The following MEGF10 variants were observed in gnomAD, a reference collection of about 807,000 sequenced individuals.
MEGF10 encodes the protein multiple epidermal growth factor-like domains protein 10.
A neutral mutation model predicts 147.5 loss-of-function variants in MEGF10; 86 were observed. The observed-to-expected ratio is 0.58, with a 90% CI of 0.49 to 0.70. MEGF10 has a LOEUF of 0.70. MEGF10 is among the 30% of genes least tolerant of loss of function. The pLI is 0.00. For missense variants in MEGF10, 1,329 were observed against 1,487.3 expected, an observed-to-expected ratio of 0.89 and a Z score of 1.75; for synonymous variants, 478 against 525.5, an observed-to-expected ratio of 0.91 and a Z score of 1.24.
chr5:127,302,404 A>G (rs1759816386), intron 1 of MEGF10, among the ~76,000 whole-genome samples: 1 of 152,232 alleles, frequency 6.6e-6, no homozygotes, highest in South Asian at 2.1e-4. Flanking sequence ...TTTCACTTAT[A>G]TAAAATATCT....
At chr5:127,442,917 G>T in intron 18 of MEGF10, 81 bp from the exon 19 acceptor site, 1 of 1,467,252 alleles carries the variant, frequency 6.8e-7, no homozygotes. Flanking sequence ...CTCAGCTCTA[G>T]ATGTGCAGGG....
chr5:127,328,935 G>C (rs1761146748), intron 1 of MEGF10, among the ~76,000 whole-genome samples: 1 of 152,158 alleles, frequency 6.6e-6, no homozygotes, highest in African/African-American at 2.4e-5. Flanking sequence ...GAAAACACTA[G>C]CTGTATATTA....
intron 1 of MEGF10, among the ~76,000 whole-genome samples, chr5:127,298,304 C>A (rs1258199653): frequency 6.6e-6 from 1 of 152,156 alleles, no homozygotes; most frequent in Non-Finnish European, 1.5e-5. Flanking sequence ...TCATCTGAAG[C>A]CCTCATCGTT....
chr5:127,261,023 CA>C, the MEGF10 span, among the ~76,000 whole-genome samples: 1 of 152,154 alleles, frequency 6.6e-6, no homozygotes, highest in Non-Finnish European at 1.5e-5. Context: ...GCTCCAAAGC[CA>C]AAGCCAGGAG....
chr5:127,316,406 A>G (rs1051061845), intron 1 of MEGF10, among the ~76,000 whole-genome samples: 8 of 152,196 alleles, frequency 5.3e-5, no homozygotes, highest in South Asian at 2.1e-4. Context: ...TTAACTATTA[A>G]TTAAGCCATT....
At chr5:127,439,924 T>G (rs534657575) in intron 17 of MEGF10, among the ~76,000 whole-genome samples, 1 of 152,328 alleles carries the variant, frequency 6.6e-6, no homozygotes, top group African/African-American at 2.4e-5. Flanking sequence ...GAGTCATCGG[T>G]GCATACTGGC....
At chr5:127,271,830 T>G in the MEGF10 span, among the ~76,000 whole-genome samples, 2 of 152,246 alleles carry the variant, frequency 1.3e-5, no homozygotes, top group Admixed American at 1.3e-4. Flanking sequence ...ATCTCTTTCC[T>G]TTATTAATTA....
intron 24 of MEGF10, among the ~76,000 whole-genome samples, chr5:127,456,042 A>T (rs1766352905): frequency 6.6e-6 from 1 of 152,198 alleles, no homozygotes; most frequent in South Asian, 2.1e-4. Flanking sequence ...AATTTAAGGT[A>T]AAGTTTCTTT....
Position 127,396,674 on chromosome 5 carries a change from C to A in MEGF10, c.555C>A (p.Gly185=), listed in dbSNP as rs1182919656. The A allele has an allele frequency of 6.2e-6, 10 of 1,614,104 alleles. No homozygotes were observed. The East Asian group carries it at 1.1e-4, about 18-fold the overall frequency. The part of the protein sequence containing the change: ...GWRCEDRCEQ[G]TYGNDCHQRC... ...GCTGCGAGGACCGCTGTGAGCAGGG[C>A]ACCTATGGTAACGACTGTCATCAGA... The change falls in exon 6 of 25, where the codon GGC becomes GGA. Residue 185 remains glycine (G), a synonymous_variant. Coordinates refer to ENST00000503335, the MANE Select transcript of MEGF10 (RefSeq NM_001256545.2).
chr5:127,439,704 G>T (rs1437027244), intron 17 of MEGF10, among the ~76,000 whole-genome samples: 1 of 152,210 alleles, frequency 6.6e-6, no homozygotes, highest in Non-Finnish European at 1.5e-5. Flanking sequence ...ACAACATGGG[G>T]TCCAGAGCCA....
chr5:127,445,748 G>T lies in MEGF10; in HGVS notation c.2728+55G>T, dbSNP rs369031846. ...CTTCTTGAAAAGTTAAATTTCATTC[G>T]GGTTCTTTAAAACTGGGTGTTTGGC... On this transcript the variant is annotated intron_variant, in intron 20 of 24. Coordinates refer to ENST00000503335, the MANE Select transcript of MEGF10 (RefSeq NM_001256545.2). The T allele has an allele frequency of 1.2e-5, 16 of 1,340,428 alleles. No individual in the cohort carries two copies. The African/African-American group carries it at 1.4e-4, about 12-fold the overall frequency. 83.0% of individuals were successfully genotyped at this position (1,340,428 alleles called of 1,614,324 possible).
At position 127,424,436 on chromosome 5, in the gene MEGF10, T is replaced by C. The variant is rs1033298376; in HGVS notation, c.1693+1664T>C. Reference sequence around the variant, plus strand: ...AAGCAAGGTGGAAATTTAATGGAGATTGAATCTATAGATCAATTTGGGGAA... The same window carrying C: ...AAGCAAGGTGGAAATTTAATGGAGACTGAATCTATAGATCAATTTGGGGAA... On this transcript the variant is annotated intron_variant, in intron 13 of 24. Transcript: ENST00000503335. 3 of 1,076,232 alleles carry C rather than the reference T, an allele frequency of 2.8e-6. No homozygotes were observed. In the African/African-American group the frequency reaches 4.7e-5, roughly 17 times the overall value. 66.7% of individuals were successfully genotyped at this position (1,076,232 alleles called of 1,614,324 possible).
At chr5:127,425,665 G>A (rs865934713) in intron 13 of MEGF10, among the ~76,000 whole-genome samples, 1 of 151,902 alleles carries the variant, frequency 6.6e-6, no homozygotes, top group African/African-American at 2.4e-5. Flanking sequence ...TATTTACAAA[G>A]GTCATCATTT....
chr5:127,290,567 G>C (rs1204756957), upstream of MEGF10, among the ~76,000 whole-genome samples: 3 of 152,224 alleles, frequency 2.0e-5, no homozygotes, highest in Non-Finnish European at 2.9e-5. Flanking sequence ...GCCTTTGGCG[G>C]GGTCACCCAC....
chr5:127,417,907 A>G, intron 10 of MEGF10, 95 bp downstream of exon 10: 1 of 1,314,338 alleles, frequency 7.6e-7, no homozygotes, highest in Non-Finnish European at 1.0e-6. Context: ...AATACAGTGA[A>G]TGTGCTAAAG....
chr5:127,359,170 G>A (rs1425684515), intron 4 of MEGF10, among the ~76,000 whole-genome samples: 2 of 151,634 alleles, frequency 1.3e-5, no homozygotes, highest in Non-Finnish European at 2.9e-5. Context: ...TTATTGGGAG[G>A]GTCTAAAGCC....
chr5:127,230,489 G>C, the MEGF10 span, among the ~76,000 whole-genome samples: 1 of 152,240 alleles, frequency 6.6e-6, no homozygotes, highest in South Asian at 2.1e-4. Flanking sequence ...TCTGCTCTGG[G>C]AGTCCCAGAT....
intron 1 of MEGF10, among the ~76,000 whole-genome samples, chr5:127,313,777 C>T (rs1046758930): frequency 1.3e-5 from 2 of 152,202 alleles, no homozygotes; most frequent in African/African-American, 4.8e-5. Context: ...AAAGTGAGAA[C>T]TCCCAGATAC....
At chr5:127,355,366 A>G (rs1206048822) in intron 4 of MEGF10, among the ~76,000 whole-genome samples, 1 of 152,144 alleles carries the variant, frequency 6.6e-6, no homozygotes, top group Non-Finnish European at 1.5e-5. Context: ...TTTCGAGTAG[A>G]GATAAAAGTG....
Sources: allele counts gnomAD v4.1 joint callset (sites outside exome capture counted in the v4.1 genomes callset), GRCh38; gene constraint gnomAD v4.1.1; transcripts MANE v1.5; gene names NCBI Gene and HGNC (gene_info 2026-07-23, HGNC 2026-07-21).